ASCC1: variants seen among roughly 807,000 people sequenced by gnomAD.
The protein encoded by ASCC1 is activating signal cointegrator 1 complex subunit 1.
In ASCC1, 35 loss-of-function variants were observed where a neutral mutation model predicts 46.6. The observed-to-expected ratio is 0.75, with a 90% CI of 0.57 to 0.99. The LOEUF (loss-of-function observed/expected upper bound fraction) is 0.99, where lower values mean the gene tolerates loss of function less well. Ranked by LOEUF, ASCC1 falls within the 50% of genes least tolerant of loss-of-function variation. ASCC1 has a pLI of 0.00. For missense variants in ASCC1, 376 were observed against 428.7 expected (o/e 0.88, Z 1.09); for synonymous variants, 143 against 146.6 (o/e 0.98, Z 0.18).
chr10:72,129,446 G>A (rs1187383242), intron 8 of ASCC1, among the ~76,000 whole-genome samples: 1 of 151,536 alleles, frequency 6.6e-6, no homozygotes, highest in Admixed American at 6.6e-5. Flanking sequence ...GAAGCAGAAG[G>A]ACCACTTGAT....
At chr10:72,114,613 G>C (rs1473818509) in intron 9 of ASCC1, among the ~76,000 whole-genome samples, 1 of 121,854 alleles carries the variant, frequency 8.2e-6, no homozygotes, top group African/African-American at 3.5e-5. Flanking sequence ...GACAGAGTGA[G>C]ACTCCGTCTC....
At chr10:72,211,248 TGTTA>T (rs1363722755) in intron 2 of ASCC1, among the ~76,000 whole-genome samples, 2 of 152,352 alleles carry the variant, frequency 1.3e-5, no homozygotes, top group Admixed American at 6.5e-5. Flanking sequence ...TGTTCTATTT[TGTTA>T]GTTATTGTTA....
chr10:72,170,863 G>A (rs1850989030), intron 5 of ASCC1, among the ~76,000 whole-genome samples: 2 of 152,090 alleles, frequency 1.3e-5, no homozygotes, highest in South Asian at 4.1e-4. Context: ...AATTTTGCCA[G>A]ACACAGTGGT....
intron 9 of ASCC1, among the ~76,000 whole-genome samples, chr10:72,108,190 C>A (rs549750106): frequency 3.6e-4 from 54 of 151,870 alleles, no homozygotes; most frequent in African/African-American, 1.1e-3. Context: ...GATCCTCCCT[C>A]CTCAGTCTCC....
chr10:72,104,503 C>CCTTCATGTTTT (rs1842132067), intron 9 of ASCC1, among the ~76,000 whole-genome samples: 1 of 152,062 alleles, frequency 6.6e-6, no homozygotes, highest in Admixed American at 6.5e-5. Context: ...TGAACCTGAA[C>CCTTCATGTTTT]TAAACATGAA....
chr10:72,200,952 A>G (rs1264023242), intron 4 of ASCC1, among the ~76,000 whole-genome samples: 2 of 151,874 alleles, frequency 1.3e-5, no homozygotes, highest in Non-Finnish European at 1.5e-5. Flanking sequence ...AAAAATTCAG[A>G]AAAAAAAATT....
intron 6 of ASCC1, among the ~76,000 whole-genome samples, chr10:72,160,844 G>A (rs1849580021): frequency 6.7e-6 from 1 of 150,190 alleles, no homozygotes; most frequent in Non-Finnish European, 1.5e-5. Flanking sequence ...AGCACTTTGG[G>A]AGGCCAAGGC....
intron 5 of ASCC1, among the ~76,000 whole-genome samples, chr10:72,196,478 C>T (rs1477029249): frequency 6.6e-6 from 1 of 151,970 alleles, no homozygotes; most frequent in African/African-American, 2.4e-5. Flanking sequence ...GACGGGGTTT[C>T]ACCATGTTGC....
At chr10:72,105,566 T>C (rs1842258002) in intron 9 of ASCC1, among the ~76,000 whole-genome samples, 1 of 152,192 alleles carries the variant, frequency 6.6e-6, no homozygotes, top group Non-Finnish European at 1.5e-5. Context: ...TGTAGACCTT[T>C]GATGAAAGGT....
intron 6 of ASCC1, among the ~76,000 whole-genome samples, chr10:72,156,239 C>T (rs1848940395): frequency 6.6e-6 from 1 of 152,240 alleles, no homozygotes; most frequent in African/African-American, 2.4e-5. Context: ...GTTCCTGCTT[C>T]TGCTATGTGA....
intron 6 of ASCC1, among the ~76,000 whole-genome samples, chr10:72,160,522 T>C (rs1849516801): frequency 6.6e-6 from 1 of 152,034 alleles, no homozygotes; most frequent in Admixed American, 6.5e-5. Flanking sequence ...AGAACAGTAA[T>C]GCTTTCCCTG....
At chr10:72,099,819 TCAAA>T (rs892141232) in intron 9 of ASCC1, among the ~76,000 whole-genome samples, 6 of 152,120 alleles carry the variant, frequency 3.9e-5, no homozygotes, top group South Asian at 2.1e-4. Context: ...AAACTCTGTC[TCAAA>T]CAAACAAACA....
intron 3 of ASCC1, among the ~76,000 whole-genome samples, chr10:72,207,227 C>T (rs931731134): frequency 6.6e-6 from 1 of 152,122 alleles, no homozygotes; most frequent in Non-Finnish European, 1.5e-5. Context: ...GCCTGACCAA[C>T]ATGGCAAAAC....
intron 5 of ASCC1, among the ~76,000 whole-genome samples, chr10:72,183,537 T>C (rs1852967449): frequency 6.6e-6 from 1 of 151,990 alleles, no homozygotes; most frequent in African/African-American, 2.4e-5. Context: ...TAGTACCAGC[T>C]ACTCGGGAGG....
chr10:72,195,834 CAAA>C, intron 5 of ASCC1, among the ~76,000 whole-genome samples: 1 of 127,986 alleles, frequency 7.8e-6, no homozygotes, highest in Admixed American at 7.9e-5. Flanking sequence ...AACGCTGTCT[CAAA>C]AAAAAAAAAA....
chr10:72,115,483 T>C (rs1238716311), intron 9 of ASCC1, among the ~76,000 whole-genome samples: 2 of 152,162 alleles, frequency 1.3e-5, no homozygotes, highest in Non-Finnish European at 1.5e-5. Context: ...AACACAGAGA[T>C]AAGGACAAAA....
rs763008665 is a variant in ASCC1 at position 72,213,223 on chromosome 10, A to G, written c.76T>C (p.Tyr26His). 26 of 1,613,730 alleles carry G rather than the reference A, an allele frequency of 1.6e-5. No homozygotes were observed. In the South Asian group the frequency reaches 2.6e-4, roughly 16 times the overall value. The change falls in exon 2 of 10, where the codon TAT becomes CAT. Residue 26 changes from tyrosine to histidine, a missense_variant. Physicochemically the swap from Tyr to His is moderately conservative, Grantham distance 83. Transcript: ENST00000672957. ...TCCTCTTCATCTTCTTCATGTTGAT[A>G]GGTCTGTTCTTGGACTGGATTCTTC... ...YRKNPVQEQT[Y>H]QHEEDEEDFY...
intron 7 of ASCC1, among the ~76,000 whole-genome samples, chr10:72,151,932 G>A (rs149849768): frequency 0.043 from 6,421 of 149,630 alleles, 402 homozygotes; most frequent in African/African-American, 0.13. Context: ...CTCGTGATCC[G>A]CCCACCTCAG....
intron 4 of ASCC1, among the ~76,000 whole-genome samples, chr10:72,198,830 T>G (rs1043511485): frequency 2.0e-5 from 3 of 152,210 alleles, no homozygotes; most frequent in Non-Finnish European, 4.4e-5. Context: ...TTATTTATTT[T>G]ATTTTCAAGA....
Sources: gnomAD v4.1 joint callset for allele counts (sites outside exome capture counted in the v4.1 genomes callset) on GRCh38, gnomAD v4.1.1 for gene constraint, MANE v1.5 for transcripts, NCBI Gene and HGNC (gene_info 2026-07-23, HGNC 2026-07-21) for gene names.